Variants in DYSF observed in about 807,000 individuals in gnomAD.
DYSF encodes dysferlin, also known as dystrophy-associated fer-1-like 1.
A neutral mutation model predicts 274.9 loss-of-function variants in DYSF; 212 were observed. The ratio of observed to expected loss-of-function variants is 0.77; its 90% CI spans 0.69 to 0.86. The LOEUF (loss-of-function observed/expected upper bound fraction) is 0.86, where lower values mean the gene tolerates loss of function less well. Ranked by LOEUF, DYSF falls within the 40% of genes least tolerant of loss-of-function variation. The probability of loss-of-function intolerance (pLI) is 0.00; values close to 1 mark genes in which losing one functional copy is unlikely to be tolerated. For synonymous variants in DYSF, 1,091 were observed against 1,078.7 expected (o/e 1.01, Z -0.22); for missense variants, 2,666 against 2,783.2 (o/e 0.96, Z 0.95).
At chr2:71,531,264 G>A (rs187343187) in intron 14 of DYSF, among the ~76,000 whole-genome samples, 32 of 151,946 alleles carry the variant, frequency 2.1e-4, no homozygotes, top group Non-Finnish European at 3.1e-4. Context: ...CCCACTTGCT[G>A]GGAAAAAATC....
chr2:71,481,926 G>A lies in DYSF; in HGVS notation c.195G>A (p.Glu65=). Residue 65 remains glutamate (E), a synonymous_variant, in exon 3 of 56, where the codon GAG becomes GAA. Coordinates refer to ENST00000410020, the MANE Select transcript of DYSF (RefSeq NM_001130987.2). ...GCATCCCCCTGGACCAGGGCTCTGA[G>A]CTTCATGTGGTGGTCAAAGACCATG... ...LKGIPLDQGS[E]LHVVVKDHET... The A allele has an allele frequency of 6.2e-7, 1 of 1,614,192 alleles. No homozygotes were observed. The highest frequency in any genetic ancestry group is 8.5e-7 in the Non-Finnish European group (1 of 1,180,032).
chr2:71,463,504 C>T (rs115656526), upstream of DYSF, among the ~76,000 whole-genome samples: 15 of 152,352 alleles, frequency 9.8e-5, no homozygotes, highest in South Asian at 2.1e-4. Context: ...CAGCCCCCAC[C>T]GGCTCTGCAG....
chr2:71,553,597 T>G (rs1265512770), intron 20 of DYSF, among the ~76,000 whole-genome samples: 1 of 152,070 alleles, frequency 6.6e-6, no homozygotes, highest in Admixed American at 6.5e-5. Context: ...CTTCAGACAC[T>G]AGGGAACACG....
chr2:71,665,322 C>T lies in DYSF; in HGVS notation c.5317+18C>T, dbSNP rs766462414. 1 of 1,613,782 alleles carries T rather than the reference C, an allele frequency of 6.2e-7. No homozygotes were observed. The highest frequency in any genetic ancestry group is 1.7e-5 in the Admixed American group (1 of 59,912). Reference sequence around the variant, plus strand: ...AGAGATAGGTGAGCTGCCACATGACCCCAAACCATGGTGGGCTCTCGCTGT... The same window carrying T: ...AGAGATAGGTGAGCTGCCACATGACTCCAAACCATGGTGGGCTCTCGCTGT... On this transcript the variant is annotated intron_variant, in intron 47 of 55. Transcript: ENST00000410020.
intron 24 of DYSF, among the ~76,000 whole-genome samples, chr2:71,565,086 C>CT (rs376948916): frequency 0.011 from 1,633 of 145,366 alleles, 33 homozygotes; most frequent in African/African-American, 0.03. Flanking sequence ...TGCTCCTTAC[C>CT]TTTTTTTTTT....
chr2:71,611,568 T>C lies in DYSF; in HGVS notation c.4163T>C (p.Val1388Ala). 1 of 1,613,898 alleles carries C rather than the reference T, an allele frequency of 6.2e-7. No individual in the cohort carries two copies. The highest frequency in any genetic ancestry group is 1.1e-5 in the South Asian group (1 of 91,060). Residue 1388 changes from valine to alanine, a missense_variant, in exon 38 of 56, where the codon GTC (valine) becomes GCC (alanine). Transcript: ENST00000410020. ...GGGGGCCAGACGGTGCAGTCCTGTG[T>C]CATCAGGAACCTCCGGAAGAACCCC... The part of the protein sequence containing the change: ...ECGGQTVQSC[V>A]IRNLRKNPNF...
intron 24 of DYSF, among the ~76,000 whole-genome samples, 172 bp downstream of exon 24, chr2:71,564,385 G>A (rs1361969626): frequency 6.6e-6 from 1 of 152,176 alleles, no homozygotes; most frequent in Non-Finnish European, 1.5e-5. Flanking sequence ...GGTTACCCCC[G>A]AAGTCCCCAG....
rs143773517 is a variant in DYSF, at chr2:71,561,800, C to T, written c.2265C>T (p.Asp755=). The change falls in exon 23 of 56, where the codon GAC becomes GAT. Residue 755 remains aspartate (D), a synonymous_variant. Coordinates refer to ENST00000410020, the MANE Select transcript of DYSF (RefSeq NM_001130987.2). ...AGACACCCTCTGCCACCCACCTGGA[C>T]CAGTACCTGTACCAGCTGCGCACCC... is the stretch of plus-strand genomic sequence containing the variant. ...IHETPSATHL[D]QYLYQLRTHH... is the part of the protein sequence containing the mutation. 1 of 1,614,172 alleles carries T rather than the reference C, an allele frequency of 6.2e-7. No individual in the cohort carries two copies. Among genetic ancestry groups the T allele is most frequent in the African/African-American group, 1.3e-5 (1 of 75,044 alleles).
Position 71,551,725 on chromosome 2 carries a change from G to GGCTCT in DYSF, c.1806+6_1806+7insCTCTG. 3 of 1,599,600 alleles carry GGCTCT rather than the reference G, an allele frequency of 1.9e-6. No individual in the cohort carries two copies. The highest frequency in any genetic ancestry group is 2.6e-6 in the Non-Finnish European group (3 of 1,174,862). Reference sequence around the variant, plus strand: ...GATGACATCCTCCGGGTGGAGGTGAGGGGTGTGGCTCTGGGTGGGAGCTGG... The same window carrying GGCTCT: ...GATGACATCCTCCGGGTGGAGGTGAGGCTCTGGGTGTGGCTCTGGGTGGGAGCTGG... On this transcript the variant is annotated splice_donor_region_variant and intron_variant, in intron 19 of 55. Transcript: ENST00000410020.
At chr2:71,683,955 G>A (rs530928261) in intron 55 of DYSF, among the ~76,000 whole-genome samples, 5 of 152,386 alleles carry the variant, frequency 3.3e-5, no homozygotes, top group South Asian at 2.1e-4. Context: ...AGGAGCTGGG[G>A]AAAGGATGTC....
At chr2:71,462,720 T>C (rs11674267), upstream of DYSF, among the ~76,000 whole-genome samples, 20,850 of 152,104 alleles carry the variant, frequency 0.14, 1,587 homozygotes, top group African/African-American at 0.2. Flanking sequence ...GTGTCTAGCT[T>C]TCAGCAGAGA....
At chr2:71,662,888 G>A (rs1163744406) in intron 45 of DYSF, among the ~76,000 whole-genome samples, 5 of 43,902 alleles carry the variant, frequency 1.1e-4, no homozygotes, top group East Asian at 7.2e-4. Flanking sequence ...GTGTGTGTAC[G>A]TGAGTACATT....
intron 40 of DYSF, among the ~76,000 whole-genome samples, chr2:71,617,058 C>A (rs1221289006): frequency 6.6e-6 from 1 of 152,046 alleles, no homozygotes; most frequent in Admixed American, 6.5e-5. Flanking sequence ...GAGGCTGTGC[C>A]CCCAGAAATC....
At chr2:71,492,696 C>CCT (rs1558993982) in intron 3 of DYSF, among the ~76,000 whole-genome samples, 1 of 101,906 alleles carries the variant, frequency 9.8e-6, no homozygotes, top group Non-Finnish European at 1.8e-5. Flanking sequence ...TATCTCCCTT[C>CCT]CTCCCCCCCC....
chr2:71,478,782 GCCTCCCTC>G (rs1352003032), intron 1 of DYSF, among the ~76,000 whole-genome samples: 1 of 151,944 alleles, frequency 6.6e-6, no homozygotes, highest in Non-Finnish European at 1.5e-5. Flanking sequence ...GCCCCTCCCT[GCCTCCCTC>G]CCTCCCTCAG....
chr2:71,677,924 T>C (rs552931984), intron 52 of DYSF, among the ~76,000 whole-genome samples: 2 of 152,354 alleles, frequency 1.3e-5, no homozygotes, highest in South Asian at 4.1e-4. Context: ...AATATGAAGT[T>C]AAAAGATGGG....
intron 3 of DYSF, among the ~76,000 whole-genome samples, chr2:71,484,245 G>A (rs1041891190): frequency 6.6e-6 from 1 of 151,810 alleles, no homozygotes; most frequent in Non-Finnish European, 1.5e-5. Flanking sequence ...TAGAGACAGG[G>A]TTCCTCCATG....
chr2:71,554,811 T>C (rs2091225567), intron 21 of DYSF, among the ~76,000 whole-genome samples: 1 of 152,142 alleles, frequency 6.6e-6, no homozygotes, highest in Non-Finnish European at 1.5e-5. Flanking sequence ...GATGCTGCAG[T>C]CCTGGCACTT....
chr2:71,683,836 C>T (rs1479028603), intron 55 of DYSF, among the ~76,000 whole-genome samples: 2 of 152,226 alleles, frequency 1.3e-5, no homozygotes, highest in Non-Finnish European at 2.9e-5. Flanking sequence ...GGGCAAGAGC[C>T]CCTCCATCCC....
Sources: allele counts gnomAD v4.1 joint callset (sites outside exome capture counted in the v4.1 genomes callset), GRCh38; gene constraint gnomAD v4.1.1; transcripts MANE v1.5; gene names NCBI Gene and HGNC (gene_info 2026-07-23, HGNC 2026-07-21).